The following TYW3 variants were observed in gnomAD, a reference collection of about 807,000 sequenced individuals.
TYW3 encodes tRNA-yW synthesizing protein 3 homolog.
Under a neutral mutation model 23.1 loss-of-function variants are expected in TYW3, and 26 were observed. The ratio of observed to expected loss-of-function variants is 1.13; its 90% CI spans 0.83 to 1.56. The LOEUF is 1.56. Ranked by LOEUF, TYW3 falls within the 40% of genes most tolerant of loss-of-function variation. TYW3 has a pLI of 0.00. For missense variants in TYW3, 316 were observed against 311.9 expected (o/e 1.01, Z -0.10); for synonymous variants, 102 against 105.7 (o/e 0.97, Z 0.21).
In TYW3 at chr1:74,743,359, G is replaced by A. The variant is rs143068644; in HGVS notation, c.354+4571G>A. Among the ~76,000 whole-genome samples, 1,333 of 152,078 alleles carry A rather than the reference G, an allele frequency of 8.8e-3. 5 individuals carry two copies. The highest frequency in any genetic ancestry group is 9.3e-3 in the African/African-American group (387 of 41,480). On this transcript the variant is annotated intron_variant, in intron 3 of 5. Coordinates refer to ENST00000370867, the MANE Select transcript of TYW3 (RefSeq NM_138467.3). ...TTGGTCTCTATTATAGAACACCAAC[G>A]TTGCCAGGTTTAATAATGCCTCCAG...
At chr1:74,755,944 C>T (rs1648936847) in intron 5 of TYW3, among the ~76,000 whole-genome samples, 1 of 152,134 alleles carries the variant, frequency 6.6e-6, no homozygotes, top group Admixed American at 6.5e-5. Context: ...CAGGTCTTTC[C>T]TGTGCTGTTC....
intron 3 of TYW3, among the ~76,000 whole-genome samples, chr1:74,741,053 G>T (rs541084856): frequency 5.3e-5 from 8 of 152,302 alleles, no homozygotes; most frequent in Middle Eastern, 3.4e-3. Flanking sequence ...CTTTAGACCA[G>T]TGAAAGGGCC....
chr1:74,744,902 A>C (rs1193299202), intron 3 of TYW3, among the ~76,000 whole-genome samples: 1 of 151,434 alleles, frequency 6.6e-6, no homozygotes, highest in Non-Finnish European at 1.5e-5. Flanking sequence ...TGGTGTGTCC[A>C]GAGTTGTTTG....
At chr1:74,748,922 C>A (rs1229155481) in intron 4 of TYW3, 100 bp downstream of exon 4, 2 of 1,097,152 alleles carry the variant, frequency 1.8e-6, no homozygotes, top group Non-Finnish European at 2.7e-6. Context: ...TTTCTCAAAT[C>A]TTCTTGCCAT....
intron 5 of TYW3, among the ~76,000 whole-genome samples, chr1:74,762,213 T>A (rs1481494562): frequency 6.6e-6 from 1 of 152,132 alleles, no homozygotes; most frequent in Non-Finnish European, 1.5e-5. Flanking sequence ...GTATTAGAGT[T>A]AGGTGACATA....
At chr1:74,734,807 A>AT (rs1183562361) in intron 1 of TYW3, among the ~76,000 whole-genome samples, 4 of 152,148 alleles carry the variant, frequency 2.6e-5, no homozygotes, top group South Asian at 2.1e-4. Flanking sequence ...AAATAGGATA[A>AT]TTTTTTTTGA....
intron 3 of TYW3, among the ~76,000 whole-genome samples, chr1:74,746,195 C>T (rs114814260): frequency 3.3e-5 from 5 of 152,306 alleles, no homozygotes; most frequent in Admixed American, 6.5e-5. Context: ...TGCCAATACA[C>T]AATTATTATT....
chr1:74,735,040 ACTCT>A (rs958934431), intron 1 of TYW3, among the ~76,000 whole-genome samples: 4 of 151,750 alleles, frequency 2.6e-5, no homozygotes, highest in African/African-American at 7.3e-5. Context: ...TTGCCCACAA[ACTCT>A]CTCTTGCCCC....
rs1356066263 is a variant in TYW3, at chr1:74,737,079, T to G, written c.255+457T>G. Among the ~76,000 whole-genome samples the G allele has an allele frequency of 1.3e-5, 2 of 152,234 alleles. 1 individual carries two copies. The highest frequency in any genetic ancestry group is 4.1e-4 in the South Asian group (2 of 4,836). On this transcript the variant is annotated intron_variant, in intron 2 of 5. Transcript: ENST00000370867. ...ATTTAGTTTCCTAAGGTAAAGAGTT[T>G]AGATGAATTCATAAGTTTTTATCAG...
intron 5 of TYW3, 65 bp downstream of exon 5, chr1:74,752,490 C>T (rs1288130291): frequency 2.0e-5 from 28 of 1,421,354 alleles, no homozygotes; most frequent in African/African-American, 2.8e-5. Flanking sequence ...AACATTAATA[C>T]TTACTATCTT....
rs1236833226 is a variant in TYW3 at position 74,764,297 on chromosome 1, G to A, written c.*184G>A. On this transcript the variant is annotated 3_prime_UTR_variant, in exon 6 of 6. Transcript: ENST00000370867. ...GCAGTTGTCATCTAAGCTCTCAGCA[G>A]TACCCGGCTTATCCTACGACTTCAC... The A allele has an allele frequency of 3.9e-6, 2 of 518,970 alleles. No homozygotes were observed. Among genetic ancestry groups the A allele is most frequent in the Non-Finnish European group, 6.7e-6 (2 of 298,728 alleles). The allele number at this position is 518,970 out of a possible 1,614,324, so 32.1% of individuals were successfully genotyped here.
intron 5 of TYW3, among the ~76,000 whole-genome samples, chr1:74,758,812 G>A (rs908030339): frequency 6.6e-6 from 1 of 152,128 alleles, no homozygotes; most frequent in African/African-American, 2.4e-5. Flanking sequence ...GTTGAAGATA[G>A]GACTCCCCCC....
chr1:74,733,229 C>T lies in TYW3; in HGVS notation c.-16C>T, dbSNP rs749076778. 5 of 1,613,038 alleles carry T rather than the reference C, an allele frequency of 3.1e-6. No individual in the cohort carries two copies. The highest frequency in any genetic ancestry group is 3.4e-6 in the Non-Finnish European group (4 of 1,179,522). On this transcript the variant is annotated 5_prime_UTR_variant, in exon 1 of 6. Transcript: ENST00000370867. ...TACCATGAAGGAGCCGAGCGCAGAC[C>T]CTGAGTCCGTCACCCATGGATCGCA...
chr1:74,744,811 T>C (rs1463201497), intron 3 of TYW3, among the ~76,000 whole-genome samples: 1 of 152,200 alleles, frequency 6.6e-6, no homozygotes, highest in Admixed American at 6.5e-5. Flanking sequence ...TGGAGTTTCT[T>C]CCTTCTTGTG....
chr1:74,762,466 C>G (rs187839481), intron 5 of TYW3, among the ~76,000 whole-genome samples: 1 of 152,060 alleles, frequency 6.6e-6, no homozygotes, highest in African/African-American at 2.4e-5. Flanking sequence ...TAGGATAACA[C>G]ATTTATAGTT....
chr1:74,762,414 C>A (rs1379676750), intron 5 of TYW3, among the ~76,000 whole-genome samples: 1 of 152,068 alleles, frequency 6.6e-6, no homozygotes, highest in Non-Finnish European at 1.5e-5. Flanking sequence ...TCTGCAGTGG[C>A]AGGGGGGTTT....
At chr1:74,747,921 A>G (rs996713452) in intron 3 of TYW3, among the ~76,000 whole-genome samples, 1 of 152,206 alleles carries the variant, frequency 6.6e-6, no homozygotes, top group South Asian at 2.1e-4. Context: ...ACGTATATAC[A>G]TATATACATA....
At chr1:74,759,168 C>G (rs1356636682) in intron 5 of TYW3, among the ~76,000 whole-genome samples, 1 of 151,960 alleles carries the variant, frequency 6.6e-6, no homozygotes, top group Non-Finnish European at 1.5e-5. Flanking sequence ...GGGGTGAGTA[C>G]AAGTAGGCTC....
chr1:74,750,020 A>G (rs777920778), intron 4 of TYW3: 7 of 152,218 alleles, frequency 4.6e-5, no homozygotes, highest in African/African-American at 1.7e-4. Context: ...TCTTTACTCC[A>G]TCTGGTATCC....
Sources: allele counts gnomAD v4.1 joint callset (sites outside exome capture counted in the v4.1 genomes callset), GRCh38; gene constraint gnomAD v4.1.1; transcripts MANE v1.5; gene names NCBI Gene and HGNC (gene_info 2026-07-23, HGNC 2026-07-21).